The following PHF21B variants were observed in gnomAD, a reference collection of about 807,000 sequenced individuals.
PHF21B encodes the protein PHD finger protein 4.
A neutral mutation model predicts 62.2 loss-of-function variants in PHF21B; 22 were observed. The ratio of observed to expected loss-of-function variants is 0.35; its 90% CI spans 0.25 to 0.51. PHF21B has a LOEUF of 0.51. Among genes scored for constraint, PHF21B ranks in the 20% least tolerant of loss-of-function variants. PHF21B has a pLI of 0.97. For missense variants in PHF21B, 701 were observed against 707.9 expected, an observed-to-expected ratio of 0.99 and a Z score of 0.11; for synonymous variants, 341 against 314.7, an observed-to-expected ratio of 1.08 and a Z score of -0.88.
intron 2 of PHF21B, among the ~76,000 whole-genome samples, chr22:44,964,177 C>A (rs542352768): frequency 9.2e-5 from 14 of 151,512 alleles, no homozygotes; most frequent in Non-Finnish European, 1.3e-4. Flanking sequence ...CAGTGACAAA[C>A]ACAGAGGATT....
intron 2 of PHF21B, among the ~76,000 whole-genome samples, chr22:44,941,738 G>A (rs1388458080): frequency 6.6e-6 from 1 of 152,186 alleles, no homozygotes; most frequent in Admixed American, 6.5e-5. Context: ...CGGCGGCAGG[G>A]CCTTCATTCT....
At chr22:44,970,880 G>A (rs947850310) in intron 2 of PHF21B, 1 of 152,234 alleles carries the variant, frequency 6.6e-6, no homozygotes, top group East Asian at 1.9e-4. Context: ...GCAGAAAATG[G>A]GGGGTGGCTC....
chr22:44,959,295 CT>C (rs2072369717), intron 2 of PHF21B, among the ~76,000 whole-genome samples: 1 of 152,212 alleles, frequency 6.6e-6, no homozygotes, highest in South Asian at 2.1e-4. Flanking sequence ...CCCGACCCAT[CT>C]TCTCATACTC....
At chr22:44,906,782 G>A (rs1894524) in intron 5 of PHF21B, among the ~76,000 whole-genome samples, 32,250 of 152,206 alleles carry the variant, frequency 0.21, 3,949 homozygotes, top group East Asian at 0.63. Context: ...CTACTGTGCA[G>A]CCGCCGTGAC....
intron 2 of PHF21B, among the ~76,000 whole-genome samples, chr22:44,956,998 T>C (rs2072311877): frequency 6.6e-6 from 1 of 152,130 alleles, no homozygotes; most frequent in South Asian, 2.1e-4. Flanking sequence ...CTGGGCTCCA[T>C]CCTCGTCCCA....
intron 2 of PHF21B, among the ~76,000 whole-genome samples, chr22:44,955,111 A>G (rs1006056158): frequency 3.9e-5 from 6 of 152,176 alleles, no homozygotes; most frequent in African/African-American, 1.4e-4. Flanking sequence ...ATGGCCGGTT[A>G]AGAAGAAGTC....
At chr22:44,991,375 C>G (rs994300880) in intron 2 of PHF21B, among the ~76,000 whole-genome samples, 17 of 152,132 alleles carry the variant, frequency 1.1e-4, no homozygotes, top group Non-Finnish European at 4.4e-5. Context: ...GGAAAACCCA[C>G]TGTGTGTGGT....
intron 7 of PHF21B, among the ~76,000 whole-genome samples, chr22:44,892,979 A>G (rs936981772): frequency 6.6e-6 from 1 of 152,050 alleles, no homozygotes; most frequent in Non-Finnish European, 1.5e-5. Context: ...TCCAACTGGG[A>G]GTAGGGAAGG....
At chr22:44,968,286 T>TA (rs1012849690) in intron 2 of PHF21B, among the ~76,000 whole-genome samples, 7 of 152,208 alleles carry the variant, frequency 4.6e-5, no homozygotes, top group African/African-American at 1.7e-4. Flanking sequence ...CAGCAGGGAC[T>TA]AAGAAATGTT....
chr22:45,001,331 G>A (rs1362552877), intron 2 of PHF21B: 1 of 152,388 alleles, frequency 6.6e-6, no homozygotes, highest in Non-Finnish European at 1.5e-5. Flanking sequence ...GACAGAGGAG[G>A]TGCGTTGAAG....
At chr22:44,965,971 C>A (rs1238794365) in intron 2 of PHF21B, among the ~76,000 whole-genome samples, 5 of 152,228 alleles carry the variant, frequency 3.3e-5, no homozygotes, top group Admixed American at 3.3e-4. Flanking sequence ...TTCCAAAGGC[C>A]CGGCTCCCAC....
chr22:44,948,790 G>C (rs758411515), intron 2 of PHF21B, among the ~76,000 whole-genome samples: 1 of 152,178 alleles, frequency 6.6e-6, no homozygotes, highest in Non-Finnish European at 1.5e-5. Flanking sequence ...GGCAATCTCA[G>C]GATATTCCAC....
intron 2 of PHF21B, among the ~76,000 whole-genome samples, chr22:44,993,128 G>A (rs775072870): frequency 7.2e-5 from 11 of 152,152 alleles, no homozygotes; most frequent in South Asian, 6.2e-4. Context: ...ATCCATGTGC[G>A]GCATCTCAGG....
chr22:44,926,622 C>T (rs1028677262), intron 2 of PHF21B, among the ~76,000 whole-genome samples: 22 of 152,186 alleles, frequency 1.4e-4, no homozygotes, highest in African/African-American at 4.8e-4. Context: ...CTGAGGAGGC[C>T]GAGGACAGCC....
chr22:44,934,585 C>T (rs188785790), intron 2 of PHF21B, among the ~76,000 whole-genome samples: 9 of 152,232 alleles, frequency 5.9e-5, no homozygotes, highest in Admixed American at 4.6e-4. Flanking sequence ...ATGGACAGAC[C>T]ACACCCATCA....
At chr22:44,915,957 T>C (rs912990275) in intron 4 of PHF21B, among the ~76,000 whole-genome samples, 4 of 152,230 alleles carry the variant, frequency 2.6e-5, no homozygotes, top group Non-Finnish European at 5.9e-5. Context: ...ATGTCATTAA[T>C]TGGTTAATCA....
At chr22:44,987,913 T>C (rs1006905550) in intron 2 of PHF21B, among the ~76,000 whole-genome samples, 1 of 151,906 alleles carries the variant, frequency 6.6e-6, no homozygotes, top group Non-Finnish European at 1.5e-5. Flanking sequence ...AACTGACGGA[T>C]CCCAAAATAA....
chr22:44,956,482 T>C (rs889843371), intron 2 of PHF21B, among the ~76,000 whole-genome samples: 1 of 152,250 alleles, frequency 6.6e-6, no homozygotes, highest in Non-Finnish European at 1.5e-5. Flanking sequence ...TAACAGTCAA[T>C]GAAATCGTCA....
At chr22:44,979,384 C>T (rs2086751913) in intron 2 of PHF21B, among the ~76,000 whole-genome samples, 1 of 152,248 alleles carries the variant, frequency 6.6e-6, no homozygotes, top group Admixed American at 6.5e-5. Context: ...CACCCGAGGT[C>T]GTGCAAGGGC....
Sources: allele counts gnomAD v4.1 joint callset (sites outside exome capture counted in the v4.1 genomes callset), GRCh38; gene constraint gnomAD v4.1.1; transcripts MANE v1.5; gene names NCBI Gene and HGNC (gene_info 2026-07-23, HGNC 2026-07-21).